Variants in NET1 observed in about 807,000 individuals in gnomAD.
NET1 encodes neuroepithelial cell transforming 1, also known as neuroepithelial cell-transforming gene 1 protein.
Under a neutral mutation model 61.1 loss-of-function variants are expected in NET1, and 42 were observed. The observed-to-expected ratio is 0.69, with a 90% CI of 0.54 to 0.89. NET1 has a LOEUF of 0.89. Ranked by LOEUF, NET1 falls within the 40% of genes least tolerant of loss-of-function variation. NET1 has a pLI of 0.00. For synonymous variants in NET1, 254 were observed against 281.8 expected (o/e 0.90, Z 0.99); for missense variants, 654 against 747.3 (o/e 0.88, Z 1.46).
chr10:5,435,530 TAGACAGAC>T lies in NET1; in HGVS notation c.255+6309_255+6316del, dbSNP rs776689968. Among the ~76,000 whole-genome samples the T allele has an allele frequency of 0.067, 859 of 12,756 alleles. 13 individuals carry two copies. Among genetic ancestry groups the T allele is most frequent in the South Asian group, 0.16 (83 of 510 alleles). The allele number at this position is 12,756 out of a possible 152,430, so 8.4% of individuals were successfully genotyped here. ...ATAGATAGATAGATAGATAGATAGA[TAGACAGAC>T]AGACAGATAGATAGATAGATAGATA... On this transcript the variant is annotated intron_variant, in intron 3 of 11. Coordinates refer to ENST00000355029, the MANE Select transcript of NET1 (RefSeq NM_001047160.3). The surrounding 1 kb of genome is among the most constrained non-coding windows in gnomAD (Gnocchi z 5.0).
chr10:5,420,380 A>G lies in NET1; in HGVS notation c.129-6275A>G, dbSNP rs961616902. Among the ~76,000 whole-genome samples, 2 of 152,180 alleles carry G rather than the reference A, an allele frequency of 1.3e-5. No homozygotes were observed. Among genetic ancestry groups the G allele is most frequent in the African/African-American group, 4.8e-5 (2 of 41,446 alleles). On this transcript the variant is annotated intron_variant, in intron 1 of 11. Coordinates refer to ENST00000355029, the MANE Select transcript of NET1 (RefSeq NM_001047160.3). This position sits in a 1 kb window ranked among gnomAD's most constrained non-coding sequence, Gnocchi z 5.3. ...TGAGATATTATAATATACAATTTTT[A>G]TAACTCAGGTGGAATATATTTGGTA...
chr10:5,438,963 G>A lies in NET1; in HGVS notation c.255+9734G>A, dbSNP rs1051640831. On this transcript the variant is annotated intron_variant, in intron 3 of 11. Coordinates refer to ENST00000355029, the MANE Select transcript of NET1 (RefSeq NM_001047160.3). ...TTGCACCAGCACTGGAATCCACAAC[G>A]TAAATCACTAGCACCTTAGAGTCTT... Among the ~76,000 whole-genome samples the A allele has an allele frequency of 6.6e-5, 10 of 152,296 alleles. No individual in the cohort carries two copies. The East Asian group carries it at 1.9e-3, about 29-fold the overall frequency.
In NET1 at chr10:5,437,777, C is replaced by A. The variant is rs895664639; in HGVS notation, c.255+8548C>A. On this transcript the variant is annotated intron_variant, in intron 3 of 11. Coordinates refer to ENST00000355029, the MANE Select transcript of NET1 (RefSeq NM_001047160.3). This position sits in a 1 kb window ranked among gnomAD's most constrained non-coding sequence, Gnocchi z 4.3. Reference sequence around the variant, plus strand: ...AAATGGACCTAACAGACATACAGAGCCCTTCACCCAACAACAGTAGATTAT... The same window carrying A: ...AAATGGACCTAACAGACATACAGAGACCTTCACCCAACAACAGTAGATTAT... Among the ~76,000 whole-genome samples, 2 of 151,968 alleles carry A rather than the reference C, an allele frequency of 1.3e-5. No individual in the cohort carries two copies. The highest frequency in any genetic ancestry group is 2.9e-5 in the Non-Finnish European group (2 of 67,984).
rs1259862031 is a variant in NET1, at chr10:5,440,220, A to G, written c.255+10991A>G. Among the ~76,000 whole-genome samples the G allele has an allele frequency of 1.3e-5, 2 of 152,242 alleles. No individual in the cohort carries two copies. The highest frequency in any genetic ancestry group is 4.8e-5 in the African/African-American group (2 of 41,462). On this transcript the variant is annotated intron_variant, in intron 3 of 11. Transcript: ENST00000355029. The surrounding 1 kb of genome is among the most constrained non-coding windows in gnomAD (Gnocchi z 4.1). ...GTCCTTGCCGACTTTGTGACAGAAA[A>G]CAAAGTGAACAGCTTCAGGACGTGA...
rs916659184 is a variant in NET1 at position 5,424,447 on chromosome 10, T to C, written c.129-2208T>C. On this transcript the variant is annotated intron_variant, in intron 1 of 11. Coordinates refer to ENST00000355029, the MANE Select transcript of NET1 (RefSeq NM_001047160.3). The surrounding 1 kb of genome is among the most constrained non-coding windows in gnomAD (Gnocchi z 6.1). Reference sequence around the variant, plus strand: ...TTATGATAGTAATCCTATGTATTTCTTGATACAAATTATAATTTATTTCAG... The same window carrying C: ...TTATGATAGTAATCCTATGTATTTCCTGATACAAATTATAATTTATTTCAG... Among the ~76,000 whole-genome samples the C allele has an allele frequency of 6.6e-6, 1 of 152,232 alleles. No individual in the cohort carries two copies. Among genetic ancestry groups the C allele is most frequent in the Non-Finnish European group, 1.5e-5 (1 of 68,032 alleles).
At position 5,457,049 on chromosome 10, in the gene NET1, A is replaced by C. The variant is rs754001802; in HGVS notation, c.*55A>C. On this transcript the variant is annotated 3_prime_UTR_variant, in exon 12 of 12. Transcript: ENST00000355029. The surrounding 1 kb of genome is among the most constrained non-coding windows in gnomAD (Gnocchi z 5.4). ...AGACTGTTTGTTTATAAATGTGTACAGTTTTGTTTTCTCGTAAGGGGAGCA... is the reference window on the plus strand; with the variant it reads ...AGACTGTTTGTTTATAAATGTGTACCGTTTTGTTTTCTCGTAAGGGGAGCA... 27 of 1,484,568 alleles carry C rather than the reference A, an allele frequency of 1.8e-5. No individual in the cohort carries two copies. The African/African-American group carries it at 3.4e-4, about 19-fold the overall frequency. 92.0% of individuals were successfully genotyped at this position (1,484,568 alleles called of 1,614,324 possible).
rs1457191074 is a variant in NET1 at position 5,417,167 on chromosome 10, G to A, written c.128+4347G>A. Among the ~76,000 whole-genome samples the A allele has an allele frequency of 1.3e-5, 2 of 152,132 alleles. No individual in the cohort carries two copies. The highest frequency in any genetic ancestry group is 2.9e-5 in the Non-Finnish European group (2 of 68,024). On this transcript the variant is annotated intron_variant, in intron 1 of 11. Coordinates refer to ENST00000355029, the MANE Select transcript of NET1 (RefSeq NM_001047160.3). This position sits in a 1 kb window ranked among gnomAD's most constrained non-coding sequence, Gnocchi z 5.5. ...GAATCGATGGCCTGCCAGCTGGCCTGCCAGCGTGCTGGTGTACTCCCACGT... is the reference window on the plus strand; with the variant it reads ...GAATCGATGGCCTGCCAGCTGGCCTACCAGCGTGCTGGTGTACTCCCACGT...
Position 5,412,850 on chromosome 10 carries a change from G to GGA in NET1, c.128+32_128+33dup. The GGA allele has an allele frequency of 1.5e-6, 2 of 1,339,266 alleles. No individual in the cohort carries two copies. Among genetic ancestry groups the GGA allele is most frequent in the Non-Finnish European group, 1.9e-6 (2 of 1,038,114 alleles). The allele number at this position is 1,339,266 out of a possible 1,614,324, so 83.0% of individuals were successfully genotyped here. A position where few individuals can be genotyped will look rare whatever the true frequency, so the allele number is the denominator to read the frequency against. ...GTGTGGGGGAGGGGAGGGCCGAACGGGAGGTGAGTGTAGGGGAGCGGAGGG... is the reference window on the plus strand; with the variant it reads ...GTGTGGGGGAGGGGAGGGCCGAACGGGAGAGGTGAGTGTAGGGGAGCGGAGGG... On this transcript the variant is annotated intron_variant, in intron 1 of 11. Coordinates refer to ENST00000355029, the MANE Select transcript of NET1 (RefSeq NM_001047160.3). The surrounding 1 kb of genome is among the most constrained non-coding windows in gnomAD (Gnocchi z 6.5).
In NET1 at chr10:5,449,452, T is replaced by G. The variant is rs1035475830; in HGVS notation, c.256-2378T>G. ...ATAAACTCTGAAAAGCAGCATTTCC[T>G]TTGTGGAGAAGTGGGATTATAGTTG... On this transcript the variant is annotated intron_variant, in intron 3 of 11. Coordinates refer to ENST00000355029, the MANE Select transcript of NET1 (RefSeq NM_001047160.3). This position sits in a 1 kb window ranked among gnomAD's most constrained non-coding sequence, Gnocchi z 4.4. Among the ~76,000 whole-genome samples, 1 of 152,166 alleles carries G rather than the reference T, an allele frequency of 6.6e-6. No homozygotes were observed. The highest frequency in any genetic ancestry group is 1.5e-5 in the Non-Finnish European group (1 of 68,028).
In NET1 at chr10:5,435,518, T is replaced by C. The variant is rs752956040; in HGVS notation, c.255+6289T>C. 0.028 allele frequency among the ~76,000 whole-genome samples: 1,239 copies of C among 44,852 alleles called. 16 individuals carry two copies. The highest frequency in any genetic ancestry group is 0.064 in the East Asian group (64 of 1,006). 29.4% of individuals were successfully genotyped at this position (44,852 alleles called of 152,430 possible). On this transcript the variant is annotated intron_variant, in intron 3 of 11. Transcript: ENST00000355029. This position sits in a 1 kb window ranked among gnomAD's most constrained non-coding sequence, Gnocchi z 5.0. ...ATAGATAGATAGATAGATAGATAGA[T>C]AGATAGATAGATAGACAGACAGACA...
At position 5,456,615 on chromosome 10, in the gene NET1, A is replaced by G. The variant is rs1832803620; in HGVS notation, c.1412A>G (p.His471Arg). ...AAAAATATCTTTAGAATTCGCTTCCATGACCCCTCTCCAGCCCAGTCTCAC... is the reference window on the plus strand; with the variant it reads ...AAAAATATCTTTAGAATTCGCTTCCGTGACCCCTCTCCAGCCCAGTCTCAC... ...KAKNIFRIRF[H>R]DPSPAQSHTL... is the part of the protein sequence containing the mutation. The change falls in exon 12 of 12, where the codon CAT becomes CGT. Residue 471 changes from histidine to arginine, a missense_variant. Coordinates refer to ENST00000355029, the MANE Select transcript of NET1 (RefSeq NM_001047160.3). The surrounding 1 kb of genome is among the most constrained non-coding windows in gnomAD (Gnocchi z 7.0). 2.6e-6 allele frequency: 4 copies of G among 1,540,364 alleles called. No homozygotes were observed. The highest frequency in any genetic ancestry group is 1.4e-5 in the African/African-American group (1 of 71,076).
At chr10:5,433,114 A>T (rs552466250) in intron 3 of NET1, among the ~76,000 whole-genome samples, 1 of 152,178 alleles carries the variant, frequency 6.6e-6, no homozygotes, top group Non-Finnish European at 1.5e-5. Context: ...TCCCATTTTT[A>T]AAAATAGTTT....
rs770951643 is a variant in NET1, at chr10:5,439,666, G to C, written c.255+10437G>C. Among the ~76,000 whole-genome samples the C allele has an allele frequency of 1.3e-5, 2 of 152,210 alleles. No individual in the cohort carries two copies. Among genetic ancestry groups the C allele is most frequent in the Non-Finnish European group, 2.9e-5 (2 of 68,038 alleles). Reference sequence around the variant, plus strand: ...ACACCTGGGGCTGCTTTTCAAACCGGAGTCATTTTCTGCTGTGGAAAGCAG... The same window carrying C: ...ACACCTGGGGCTGCTTTTCAAACCGCAGTCATTTTCTGCTGTGGAAAGCAG... On this transcript the variant is annotated intron_variant, in intron 3 of 11. Coordinates refer to ENST00000355029, the MANE Select transcript of NET1 (RefSeq NM_001047160.3). The surrounding 1 kb of genome is among the most constrained non-coding windows in gnomAD (Gnocchi z 4.8).
chr10:5,454,199 G>T lies in NET1; in HGVS notation c.769-66G>T. The T allele has an allele frequency of 6.7e-7, 1 of 1,490,606 alleles. No individual in the cohort carries two copies. The highest frequency in any genetic ancestry group is 1.4e-5 in the African/African-American group (1 of 71,174). The allele number at this position is 1,490,606 out of a possible 1,614,324, so 92.3% of individuals were successfully genotyped here. A position where few individuals can be genotyped will look rare whatever the true frequency, so the allele number is the denominator to read the frequency against. On this transcript the variant is annotated intron_variant, in intron 8 of 11. Transcript: ENST00000355029. The surrounding 1 kb of genome is among the most constrained non-coding windows in gnomAD (Gnocchi z 8.1). Reference sequence around the variant, plus strand: ...GCTGTACATTTTGTGTTTCATGTTTGCAGGCTTGTTAATGCACTCGGTCAT... The same window carrying T: ...GCTGTACATTTTGTGTTTCATGTTTTCAGGCTTGTTAATGCACTCGGTCAT...
chr10:5,431,692 A>T lies in NET1; in HGVS notation c.255+2463A>T. Reference sequence around the variant, plus strand: ...TATTCATTAGCATTCTCTGAAAGTAAGTAATGATTTTTTTTTCTCCTTAGT... The same window carrying T: ...TATTCATTAGCATTCTCTGAAAGTATGTAATGATTTTTTTTTCTCCTTAGT... On this transcript the variant is annotated intron_variant, in intron 3 of 11. Coordinates refer to ENST00000355029, the MANE Select transcript of NET1 (RefSeq NM_001047160.3). This position sits in a 1 kb window ranked among gnomAD's most constrained non-coding sequence, Gnocchi z 4.9. Among the ~76,000 whole-genome samples, 1 of 152,118 alleles carries T rather than the reference A, an allele frequency of 6.6e-6. No homozygotes were observed. Among genetic ancestry groups the T allele is most frequent in the Non-Finnish European group, 1.5e-5 (1 of 68,016 alleles).
intron 3 of NET1, among the ~76,000 whole-genome samples, chr10:5,433,720 CT>C (rs1470687206): frequency 2.0e-5 from 3 of 151,336 alleles, no homozygotes; most frequent in Admixed American, 2.0e-4. Context: ...GTTTTAGGAA[CT>C]TTTTTTTTCT....
chr10:5,423,874 G>A lies in NET1; in HGVS notation c.129-2781G>A, dbSNP rs183857293. Among the ~76,000 whole-genome samples, 1,248 of 151,626 alleles carry A rather than the reference G, an allele frequency of 8.2e-3. 5 individuals carry two copies. Among genetic ancestry groups the A allele is most frequent in the Middle Eastern group, 0.017 (5 of 292 alleles). ...CTGTCTCACATCCTTTGTGGGCACG[G>A]TTTGTTTTTTGGGTTCCTTTTTTCC... On this transcript the variant is annotated intron_variant, in intron 1 of 11. Coordinates refer to ENST00000355029, the MANE Select transcript of NET1 (RefSeq NM_001047160.3). The surrounding 1 kb of genome is among the most constrained non-coding windows in gnomAD (Gnocchi z 4.4).
rs778699391 is a variant in NET1, at chr10:5,454,320, C to T, written c.824C>T (p.Ala275Val). 4.9e-5 allele frequency: 79 copies of T among 1,614,070 alleles called. 1 individual carries two copies. In the South Asian group the frequency reaches 6.9e-4, roughly 14 times the overall value. The change falls in exon 9 of 12, where the codon GCT (alanine) becomes GTT (valine). Residue 275 changes from alanine to valine, a missense_variant. Physicochemically the swap from Ala to Val is moderately conservative, Grantham distance 64. Coordinates refer to ENST00000355029, the MANE Select transcript of NET1 (RefSeq NM_001047160.3). The surrounding 1 kb of genome is among the most constrained non-coding windows in gnomAD (Gnocchi z 8.1). ...TGTAGTAACCAGCTGGCAGCCAAAG[C>T]TCTTCTTGATCAAAAGAAACAGGAT... ...GYCSNQLAAKALLDQKKQDPR... is the reference protein window; with the variant it reads ...GYCSNQLAAKVLLDQKKQDPR...
rs899917805 is a variant in NET1 at position 5,412,633 on chromosome 10, G to T, written c.-60G>T. The T allele has an allele frequency of 1.5e-4, 215 of 1,429,704 alleles. No individual in the cohort carries two copies. Among genetic ancestry groups the T allele is most frequent in the Non-Finnish European group, 1.8e-4 (199 of 1,103,442 alleles). 88.6% of individuals were successfully genotyped at this position (1,429,704 alleles called of 1,614,324 possible). On this transcript the variant is annotated 5_prime_UTR_variant, in exon 1 of 12. Transcript: ENST00000355029. The surrounding 1 kb of genome is among the most constrained non-coding windows in gnomAD (Gnocchi z 6.5). Reference sequence around the variant, plus strand: ...TGCCTGGCAGAGGCTGGCGGGCATCGTGCCCGTCCCTGCCGGTCTCCCGGG... The same window carrying T: ...TGCCTGGCAGAGGCTGGCGGGCATCTTGCCCGTCCCTGCCGGTCTCCCGGG...
Sources: allele counts gnomAD v4.1 joint callset (sites outside exome capture counted in the v4.1 genomes callset), GRCh38; gene constraint gnomAD v4.1.1; non-coding constraint Gnocchi (gnomAD v3.1); transcripts MANE v1.5; gene names NCBI Gene and HGNC (gene_info 2026-07-23, HGNC 2026-07-21).